The following CDH10 variants were observed in gnomAD, a reference collection of about 807,000 sequenced individuals.
CDH10 encodes cadherin-10.
Under a neutral mutation model 73.1 loss-of-function variants are expected in CDH10, and 30 were observed. The ratio of observed to expected loss-of-function variants is 0.41; its 90% confidence interval spans 0.31 to 0.56. The LOEUF is 0.56. CDH10 is among the 20% of genes least tolerant of loss of function. The probability of loss-of-function intolerance (pLI) is 0.27; values close to 1 mark genes in which losing one functional copy is unlikely to be tolerated. For missense variants in CDH10, 815 were observed against 973.7 expected (o/e 0.84, Z 2.17); for synonymous variants, 345 against 348.2 (o/e 0.99, Z 0.10).
At chr5:24,511,537 GAGAGAGAC>G (rs773231398) in intron 5 of CDH10, 23 bp from the exon 6 acceptor site, 51 of 792,304 alleles carry the variant, frequency 6.4e-5, no homozygotes, top group Admixed American at 9.5e-5. Flanking sequence ...AAGAAAAGAA[GAGAGAGAC>G]AGAGAGAGAG....
At chr5:24,515,029 A>G (rs1429220534) in intron 5 of CDH10, among the ~76,000 whole-genome samples, 1 of 152,180 alleles carries the variant, frequency 6.6e-6, no homozygotes, top group Non-Finnish European at 1.5e-5. Flanking sequence ...TATTCTGACC[A>G]TGCCACAATT....
intron 2 of CDH10, among the ~76,000 whole-genome samples, chr5:24,569,243 G>A (rs1259917919): frequency 1.3e-5 from 2 of 152,034 alleles, no homozygotes; most frequent in African/African-American, 4.8e-5. Flanking sequence ...GGTTACTATG[G>A]GTGAGGGAGA....
intron 1 of CDH10, among the ~76,000 whole-genome samples, chr5:24,628,016 G>C (rs1268291590): frequency 3.9e-5 from 6 of 152,070 alleles, no homozygotes; most frequent in African/African-American, 1.4e-4. Context: ...ACAGGAATGG[G>C]AATTTTAGGT....
intron 1 of CDH10, among the ~76,000 whole-genome samples, chr5:24,627,751 T>G (rs907813293): frequency 6.6e-6 from 1 of 152,120 alleles, no homozygotes; most frequent in African/African-American, 2.4e-5. Flanking sequence ...TATCCTTTAT[T>G]TATTTGCTTT....
At chr5:24,520,511 C>T (rs1743277187) in intron 5 of CDH10, among the ~76,000 whole-genome samples, 1 of 152,116 alleles carries the variant, frequency 6.6e-6, no homozygotes, top group Non-Finnish European at 1.5e-5. Context: ...CAACTCCGTC[C>T]CTTTCTATAT....
intron 5 of CDH10, among the ~76,000 whole-genome samples, chr5:24,514,589 T>G (rs962847764): frequency 1.3e-5 from 2 of 152,172 alleles, no homozygotes; most frequent in Non-Finnish European, 2.9e-5. Flanking sequence ...ATAAATGAAT[T>G]TATTACTCCT....
intron 2 of CDH10, among the ~76,000 whole-genome samples, chr5:24,561,559 T>A (rs1053615807): frequency 6.6e-6 from 1 of 152,124 alleles, no homozygotes; most frequent in Non-Finnish European, 1.5e-5. Flanking sequence ...CTCCCTGTAG[T>A]AATTCTACAA....
intron 4 of CDH10, 69 bp downstream of exon 4, chr5:24,535,634 C>T: frequency 1.4e-6 from 2 of 1,387,630 alleles, no homozygotes; most frequent in African/African-American, 1.4e-5. Context: ...CTTATTCTCC[C>T]ATGGTCTTTC....
At chr5:24,519,867 T>C (rs1743248439) in intron 5 of CDH10, among the ~76,000 whole-genome samples, 2 of 152,152 alleles carry the variant, frequency 1.3e-5, no homozygotes, top group Admixed American at 1.3e-4. Flanking sequence ...TTCTGGAGGA[T>C]ACAAGTCTGA....
chr5:24,644,360 T>C (rs1044090539), intron 1 of CDH10, among the ~76,000 whole-genome samples: 8 of 152,204 alleles, frequency 5.3e-5, no homozygotes, highest in Admixed American at 4.6e-4. Context: ...TTGAGCATAA[T>C]ATATAATTTA....
At chr5:24,561,224 G>T (rs1237856504) in intron 2 of CDH10, among the ~76,000 whole-genome samples, 2 of 152,056 alleles carry the variant, frequency 1.3e-5, no homozygotes. Flanking sequence ...AAAAATGAGT[G>T]GAACAGAATA....
chr5:24,515,238 C>T (rs1049903922), intron 5 of CDH10, among the ~76,000 whole-genome samples: 4 of 152,076 alleles, frequency 2.6e-5, no homozygotes, highest in African/African-American at 4.8e-5. Flanking sequence ...CCAAAATCTA[C>T]AAAAGAGAAA....
chr5:24,504,159 A>T (rs1334205046), intron 8 of CDH10, among the ~76,000 whole-genome samples: 1 of 152,100 alleles, frequency 6.6e-6, no homozygotes, highest in East Asian at 1.9e-4. Flanking sequence ...AATCCCGAAA[A>T]ACAGCAGATG....
intron 5 of CDH10, among the ~76,000 whole-genome samples, chr5:24,524,588 C>T (rs1743457198): frequency 6.6e-6 from 1 of 152,038 alleles, no homozygotes; most frequent in Non-Finnish European, 1.5e-5. Flanking sequence ...TTCCAGGTGT[C>T]AGATTGAATC....
intron 10 of CDH10, among the ~76,000 whole-genome samples, chr5:24,492,360 G>A (rs905546130): frequency 6.6e-6 from 1 of 152,144 alleles, no homozygotes; most frequent in Non-Finnish European, 1.5e-5. Context: ...TCTTGCCATT[G>A]CAACAGTACC....
intron 9 of CDH10, among the ~76,000 whole-genome samples, chr5:24,493,182 A>C (rs1025228250): frequency 6.6e-6 from 1 of 151,874 alleles, no homozygotes; most frequent in Non-Finnish European, 1.5e-5. Context: ...GGTTTTATTA[A>C]TTTAGATATA....
At chr5:24,554,113 G>GAGAGAGAGAGGGAGAGAGAGAGAGA (rs1561159206) in intron 2 of CDH10, 1 of 1,800 alleles carries the variant, frequency 5.6e-4, no homozygotes, top group Admixed American at 9.6e-3. Context: ...GAGGTGGGCG[G>GAGAGAGAGAGGGAGAGAGAGAGAGA]GGGGGGGAGA....
chr5:24,584,070 G>A (rs1237746718), intron 2 of CDH10, among the ~76,000 whole-genome samples: 2 of 152,094 alleles, frequency 1.3e-5, no homozygotes, highest in East Asian at 3.9e-4. Context: ...AGACAATGAA[G>A]GCACATATTT....
intron 2 of CDH10, among the ~76,000 whole-genome samples, chr5:24,560,202 G>GTA (rs1483390349): frequency 1.9e-3 from 2 of 1,032 alleles, no homozygotes. Context: ...ATTTGCAATT[G>GTA]TGTGTGTGTG....
Sources: gnomAD v4.1 joint callset for allele counts (sites outside exome capture counted in the v4.1 genomes callset) on GRCh38, gnomAD v4.1.1 for gene constraint, MANE v1.5 for transcripts, NCBI Gene and HGNC (gene_info 2026-07-23, HGNC 2026-07-21) for gene names.